Variants in UNC79 observed in about 807,000 individuals in gnomAD.
UNC79 encodes protein unc-79 homolog.
In UNC79, 37 loss-of-function variants were observed where a neutral mutation model predicts 283.1. The ratio of observed to expected loss-of-function variants is 0.13; its 90% CI spans 0.10 to 0.17. The LOEUF (loss-of-function observed/expected upper bound fraction) is 0.17, where lower values mean the gene tolerates loss of function less well. Among genes scored for constraint, UNC79 ranks in the 10% least tolerant of loss-of-function variants. The pLI, the probability that UNC79 is intolerant of heterozygous loss-of-function variation, is 1.00. For synonymous variants in UNC79, 1,107 were observed against 1,200.2 expected, an observed-to-expected ratio of 0.92 and a Z score of 1.61; for missense variants, 2,272 against 3,211.1, an observed-to-expected ratio of 0.71 and a Z score of 7.07.
At chr14:93,517,984 C>G (rs542761195) in intron 7 of UNC79, among the ~76,000 whole-genome samples, 1 of 151,480 alleles carries the variant, frequency 6.6e-6, no homozygotes, top group East Asian at 1.9e-4. Flanking sequence ...TCTTGTCATG[C>G]TGTATTATAT....
At chr14:93,618,915 A>G (rs1339227450) in intron 29 of UNC79, among the ~76,000 whole-genome samples, 4 of 152,326 alleles carry the variant, frequency 2.6e-5, no homozygotes, top group African/African-American at 7.2e-5. Context: ...GTAGAATGCA[A>G]CTTTAGCTAG....
chr14:93,488,899 A>C (rs1347153380), intron 5 of UNC79, among the ~76,000 whole-genome samples: 2 of 152,180 alleles, frequency 1.3e-5, no homozygotes, highest in African/African-American at 2.4e-5. Context: ...AAAGGCCCCA[A>C]CTCTGAATAC....
intron 14 of UNC79, among the ~76,000 whole-genome samples, chr14:93,547,394 G>A (rs752717107): frequency 3.7e-4 from 23 of 62,272 alleles, no homozygotes; most frequent in Middle Eastern, 5.7e-3. Flanking sequence ...ATTTTCAAGC[G>A]TCCCTCTGGG....
chr14:93,566,445 G>C (rs2062885771), intron 14 of UNC79, among the ~76,000 whole-genome samples: 1 of 152,094 alleles, frequency 6.6e-6, no homozygotes, highest in Non-Finnish European at 1.5e-5. Context: ...TGCAGGCTGG[G>C]CTGGGCAGAG....
rs761979506 is a variant in UNC79, at chr14:93,621,071, G to A, written c.4388-550G>A. The A allele has an allele frequency of 2.0e-6, 1 of 501,794 alleles. No homozygotes were observed. The highest frequency in any genetic ancestry group is 4.0e-6 in the Non-Finnish European group (1 of 251,138). The allele number at this position is 501,794 out of a possible 1,614,324, so 31.1% of individuals were successfully genotyped here. On this transcript the variant is annotated intron_variant, in intron 29 of 48. Coordinates refer to ENST00000555664, the Ensembl canonical transcript of UNC79. The surrounding 1 kb of genome is among the most constrained non-coding windows in gnomAD (Gnocchi z 4.8). ...GAATTTTTTCTCTTAGTAATTTTAT[G>A]CAGAAATGTTGTACTCTACCGTTTG...
At chr14:93,566,129 G>A (rs1278639773) in intron 14 of UNC79, among the ~76,000 whole-genome samples, 1 of 152,200 alleles carries the variant, frequency 6.6e-6, no homozygotes, top group Non-Finnish European at 1.5e-5. Context: ...ATCAGCTGCA[G>A]AGGGGTCCGG....
At chr14:93,671,044 A>G (rs2072797457) in intron 40 of UNC79, among the ~76,000 whole-genome samples, 1 of 152,240 alleles carries the variant, frequency 6.6e-6, no homozygotes, top group Non-Finnish European at 1.5e-5. Flanking sequence ...TCAACATTCC[A>G]TCAACAGGGG....
At chr14:93,446,711 A>G (rs1201480631) in intron 1 of UNC79, among the ~76,000 whole-genome samples, 2 of 151,984 alleles carry the variant, frequency 1.3e-5, no homozygotes, top group Non-Finnish European at 2.9e-5. Flanking sequence ...GTGTTGTTTA[A>G]TTTCCAAATA....
chr14:93,590,452 A>G (rs1358763766), intron 22 of UNC79, among the ~76,000 whole-genome samples: 2 of 152,174 alleles, frequency 1.3e-5, no homozygotes, highest in Non-Finnish European at 1.5e-5. Flanking sequence ...GATCTGGACG[A>G]AAGGAGTGAG....
chr14:93,351,274 C>T (rs1210152886), intron 1 of UNC79, among the ~76,000 whole-genome samples: 1 of 152,082 alleles, frequency 6.6e-6, no homozygotes, highest in Non-Finnish European at 1.5e-5. Flanking sequence ...TTTAAAAGGG[C>T]TAAGGTATTT....
chr14:93,595,957 G>A (rs1008603832), intron 23 of UNC79, among the ~76,000 whole-genome samples: 6 of 152,102 alleles, frequency 3.9e-5, no homozygotes, highest in South Asian at 2.1e-4. Context: ...TAAAATAAGC[G>A]AATCAGTGAA....
At chr14:93,698,538 T>C (rs2075318922) in intron 47 of UNC79, among the ~76,000 whole-genome samples, 1 of 130,194 alleles carries the variant, frequency 7.7e-6, no homozygotes, top group Non-Finnish European at 1.6e-5. Flanking sequence ...CAGACTGGAG[T>C]GCCGTGGTGC....
chr14:93,378,110 AT>A (rs1272728906), intron 1 of UNC79, among the ~76,000 whole-genome samples: 1 of 152,210 alleles, frequency 6.6e-6, no homozygotes, highest in Non-Finnish European at 1.5e-5. Context: ...ACCAATTTTG[AT>A]TCTTTGATGA....
intron 40 of UNC79, among the ~76,000 whole-genome samples, chr14:93,672,381 G>A (rs571549597): frequency 6.6e-6 from 1 of 152,150 alleles, no homozygotes; most frequent in South Asian, 2.1e-4. Context: ...TGGAATTGGA[G>A]TTTGTTATGT....
intron 1 of UNC79, among the ~76,000 whole-genome samples, chr14:93,366,496 C>G (rs1566895201): frequency 2.0e-5 from 3 of 151,666 alleles, no homozygotes. Context: ...TTGAGGCGAC[C>G]ATTCAGAAAT....
chr14:93,643,714 GT>G lies in UNC79; in HGVS notation c.6044+21del. The G allele has an allele frequency of 6.2e-7, 1 of 1,611,190 alleles. No individual in the cohort carries two copies. Among genetic ancestry groups the G allele is most frequent in the Non-Finnish European group, 8.5e-7 (1 of 1,179,716 alleles). ...TGTGGGAAGGTGAATGTCAGCTTCT[GT>G]TTTGTTTGGTAGGAAGGTCCTTTAT... is the stretch of plus-strand genomic sequence containing the variant. On this transcript the variant is annotated intron_variant, in intron 34 of 48. Coordinates refer to ENST00000555664, the Ensembl canonical transcript of UNC79.
intron 39 of UNC79, among the ~76,000 whole-genome samples, chr14:93,661,665 C>T (rs2071615831): frequency 6.6e-6 from 1 of 152,210 alleles, no homozygotes; most frequent in African/African-American, 2.4e-5. Flanking sequence ...GATACTAAAG[C>T]TTCAGAAGGT....
intron 11 of UNC79, among the ~76,000 whole-genome samples, chr14:93,533,359 C>G (rs1380419200): frequency 1.3e-5 from 2 of 152,166 alleles, no homozygotes; most frequent in Non-Finnish European, 2.9e-5. Flanking sequence ...ATATGGCAAC[C>G]AATTATTTAA....
exon 30 of UNC79, chr14:93,622,808 A>G (rs2067232948): frequency 1.9e-6 from 3 of 1,614,028 alleles, no homozygotes; most frequent in Non-Finnish European, 2.5e-6. Context: ...CTCCTTCAAC[A>G]TTCTGGACAA....
Sources: allele counts gnomAD v4.1 joint callset (sites outside exome capture counted in the v4.1 genomes callset), GRCh38; gene constraint gnomAD v4.1.1; non-coding constraint Gnocchi (gnomAD v3.1); transcripts MANE v1.5; gene names NCBI Gene and HGNC (gene_info 2026-07-23, HGNC 2026-07-21).